Variants in GALNT18 observed in about 807,000 individuals in gnomAD.
GALNT18 encodes polypeptide N-acetylgalactosaminyltransferase 18.
A neutral mutation model predicts 69.5 loss-of-function variants in GALNT18; 44 were observed. The ratio of observed to expected loss-of-function variants is 0.63; its 90% CI spans 0.50 to 0.81. The LOEUF (loss-of-function observed/expected upper bound fraction) is 0.81. Ranked by LOEUF, GALNT18 falls within the 40% of genes least tolerant of loss-of-function variation. The pLI is 0.00. For missense variants in GALNT18, 715 were observed against 810.0 expected (o/e 0.88, Z 1.42); for synonymous variants, 364 against 318.2 (o/e 1.14, Z -1.53).
chr11:11,401,460 G>A (rs1021523201), intron 3 of GALNT18, among the ~76,000 whole-genome samples: 1 of 152,248 alleles, frequency 6.6e-6, no homozygotes, highest in South Asian at 2.1e-4. Flanking sequence ...CCAGCACTCG[G>A]TCCTAGAGGC....
At chr11:11,379,308 G>T in intron 3 of GALNT18, 44 bp from the exon 4 acceptor site, 1 of 1,560,722 alleles carries the variant, frequency 6.4e-7, no homozygotes, top group Non-Finnish European at 8.7e-7. Context: ...GGGAGGTCAG[G>T]AGGCAGAGGG....
chr11:11,365,964 A>G (rs1348541845), intron 6 of GALNT18, among the ~76,000 whole-genome samples: 1 of 152,190 alleles, frequency 6.6e-6, no homozygotes, highest in Admixed American at 6.5e-5. Flanking sequence ...GATTTAGCTA[A>G]TTGTGTGCTG....
chr11:11,589,671 T>A (rs573169945), intron 1 of GALNT18, among the ~76,000 whole-genome samples: 2 of 152,080 alleles, frequency 1.3e-5, no homozygotes, highest in Non-Finnish European at 2.9e-5. Flanking sequence ...CCAGCCCTCC[T>A]GGGGAGAGTG....
Position 11,587,872 on chromosome 11 carries a change from C to T in GALNT18, c.235+33487G>A, listed in dbSNP as rs111747305. On this transcript the variant is annotated intron_variant, in intron 1 of 10. Coordinates refer to ENST00000227756, the MANE Select transcript of GALNT18 (RefSeq NM_198516.3). The surrounding 1 kb of genome is among the most constrained non-coding windows in gnomAD (Gnocchi z 4.4). ...AATAAGAACACAAAATATAGAAATC[C>T]GAAAGGAAAGAGAGAGGCAGGGGGA... Among the ~76,000 whole-genome samples, 2,370 of 152,076 alleles carry T rather than the reference C, an allele frequency of 0.016. 62 individuals carry two copies. Among genetic ancestry groups the T allele is most frequent in the African/African-American group, 0.054 (2,246 of 41,446 alleles).
intron 6 of GALNT18, among the ~76,000 whole-genome samples, chr11:11,359,838 G>T (rs759045892): frequency 6.6e-6 from 1 of 152,184 alleles, no homozygotes; most frequent in Non-Finnish European, 1.5e-5. Flanking sequence ...TTTAAAACCA[G>T]TCAGGCTGGT....
At chr11:11,367,682 A>G (rs1310204232) in intron 6 of GALNT18, among the ~76,000 whole-genome samples, 1 of 152,218 alleles carries the variant, frequency 6.6e-6, no homozygotes, top group African/African-American at 2.4e-5. Context: ...GACAGCCAAG[A>G]TTCATATTAA....
chr11:11,611,449 G>A (rs1013923804), intron 1 of GALNT18, among the ~76,000 whole-genome samples: 15 of 152,266 alleles, frequency 9.9e-5, no homozygotes, highest in African/African-American at 2.2e-4. Flanking sequence ...GCAAGTCAGC[G>A]TTCAAGAGCA....
chr11:11,612,498 A>G (rs780403481), intron 1 of GALNT18, among the ~76,000 whole-genome samples: 6 of 152,180 alleles, frequency 3.9e-5, no homozygotes, highest in Non-Finnish European at 7.4e-5. Flanking sequence ...CTGTTCTCCT[A>G]AATCCCCAGA....
chr11:11,566,178 G>A (rs534592485), intron 1 of GALNT18, among the ~76,000 whole-genome samples: 1 of 152,284 alleles, frequency 6.6e-6, no homozygotes, highest in East Asian at 1.9e-4. Flanking sequence ...GCACAGGTTG[G>A]GAAACTTTTT....
At chr11:11,331,865 A>T (rs1441389859) in intron 8 of GALNT18, among the ~76,000 whole-genome samples, 1 of 152,212 alleles carries the variant, frequency 6.6e-6, no homozygotes, top group Non-Finnish European at 1.5e-5. Flanking sequence ...AATCAATCAA[A>T]ATACCATTTA....
At chr11:11,530,771 C>A (rs1395354858) in intron 1 of GALNT18, among the ~76,000 whole-genome samples, 4 of 152,226 alleles carry the variant, frequency 2.6e-5, no homozygotes, top group Admixed American at 2.0e-4. Flanking sequence ...ACAGAGTTCT[C>A]TTGTCAACCA....
At chr11:11,311,405 C>T (rs963192343) in intron 9 of GALNT18, among the ~76,000 whole-genome samples, 14 of 152,194 alleles carry the variant, frequency 9.2e-5, no homozygotes, top group African/African-American at 3.4e-4. Context: ...ATATCCTGGA[C>T]TCTCCTGGGT....
intron 1 of GALNT18, among the ~76,000 whole-genome samples, chr11:11,489,473 G>C (rs530121360): frequency 6.6e-6 from 1 of 152,162 alleles, no homozygotes; most frequent in Non-Finnish European, 1.5e-5. Flanking sequence ...ATGCCCACCT[G>C]TGCCCACCAC....
chr11:11,283,714 TTG>T (rs1849134546), intron 10 of GALNT18, among the ~76,000 whole-genome samples: 1 of 152,188 alleles, frequency 6.6e-6, no homozygotes, highest in Non-Finnish European at 1.5e-5. Flanking sequence ...TCTACATTAT[TTG>T]TGTAATACTA....
At position 11,592,534 on chromosome 11, in the gene GALNT18, C is replaced by T. The variant is rs1204084871; in HGVS notation, c.235+28825G>A. ...ACCATGCTCCCTCACCTTACCCCCA[C>T]ACACAGCACACGCCCTGGGTCTGGC... On this transcript the variant is annotated intron_variant, in intron 1 of 10. Transcript: ENST00000227756. This position sits in a 1 kb window ranked among gnomAD's most constrained non-coding sequence, Gnocchi z 5.9. Among the ~76,000 whole-genome samples, 1 of 152,190 alleles carries T rather than the reference C, an allele frequency of 6.6e-6. No individual in the cohort carries two copies. Among genetic ancestry groups the T allele is most frequent in the African/African-American group, 2.4e-5 (1 of 41,444 alleles).
At chr11:11,410,851 G>A (rs756788416) in intron 3 of GALNT18, among the ~76,000 whole-genome samples, 4 of 152,162 alleles carry the variant, frequency 2.6e-5, no homozygotes, top group Non-Finnish European at 5.9e-5. Context: ...AACCCAAGCT[G>A]TTAGCTGTCA....
chr11:11,604,846 C>T lies in GALNT18; in HGVS notation c.235+16513G>A, dbSNP rs1859710409. Among the ~76,000 whole-genome samples, 1 of 152,086 alleles carries T rather than the reference C, an allele frequency of 6.6e-6. No individual in the cohort carries two copies. Among genetic ancestry groups the T allele is most frequent in the Non-Finnish European group, 1.5e-5 (1 of 68,032 alleles). The stretch of plus-strand genomic sequence containing the variant: ...GCTTCATTCCACTGGTCCCCCACAC[C>T]CCAAAGGCTACACAATCTGTTTGAA... On this transcript the variant is annotated intron_variant, in intron 1 of 10. Transcript: ENST00000227756. The surrounding 1 kb of genome is among the most constrained non-coding windows in gnomAD (Gnocchi z 5.6).
chr11:11,354,247 A>G (rs1382275621), intron 6 of GALNT18, among the ~76,000 whole-genome samples: 1 of 152,230 alleles, frequency 6.6e-6, no homozygotes, highest in Non-Finnish European at 1.5e-5. Context: ...GCATACTGCA[A>G]TAGAGTAGAA....
intron 9 of GALNT18, among the ~76,000 whole-genome samples, chr11:11,304,148 T>C (rs1363903816): frequency 6.6e-6 from 1 of 152,118 alleles, no homozygotes; most frequent in African/African-American, 2.4e-5. Context: ...TTAGGGCAAC[T>C]CTCTAGGGAA....
Sources: gnomAD v4.1 joint callset for allele counts (sites outside exome capture counted in the v4.1 genomes callset) on GRCh38, gnomAD v4.1.1 for gene constraint, Gnocchi (gnomAD v3.1) non-coding constraint, MANE v1.5 for transcripts, NCBI Gene and HGNC (gene_info 2026-07-23, HGNC 2026-07-21) for gene names.